SZT2: variants seen among roughly 807,000 people sequenced by gnomAD.
SZT2 encodes SZT2 subunit of KICSTOR complex.
A neutral mutation model predicts 404.2 loss-of-function variants in SZT2; 216 were observed. The ratio of observed to expected loss-of-function variants is 0.53; its 90% CI spans 0.48 to 0.60. SZT2 has a LOEUF of 0.60. Among genes scored for constraint, SZT2 ranks in the 20% least tolerant of loss-of-function variants. SZT2 has a pLI of 0.00. For synonymous variants in SZT2, 1,693 were observed against 1,749.9 expected (o/e 0.97, Z 0.81); for missense variants, 3,857 against 4,459.2 (o/e 0.86, Z 3.85).
chr1:43,401,777 C>A (rs1398321578), intron 1 of SZT2, among the ~76,000 whole-genome samples: 1 of 152,140 alleles, frequency 6.6e-6, no homozygotes, highest in South Asian at 2.1e-4. Context: ...TGAGCCACTG[C>A]GCCCAGCCCT....
intron 62 of SZT2, chr1:43,445,507 G>C (rs543988427): frequency 3.4e-6 from 1 of 292,966 alleles, no homozygotes; most frequent in African/African-American, 2.2e-5. Flanking sequence ...CCAATCAAAA[G>C]ACAGCAGCTT....
At chr1:43,429,971 G>A (rs1163548793) in intron 29 of SZT2, 40 bp from the exon 30 acceptor site, 1 of 1,613,056 alleles carries the variant, frequency 6.2e-7, no homozygotes, top group East Asian at 2.2e-5. Context: ...CCTGTTGAGG[G>A]GTGACTGACA....
chr1:43,412,746 CAA>C (rs998794271), intron 4 of SZT2: 2 of 151,874 alleles, frequency 1.3e-5, no homozygotes, highest in African/African-American at 2.4e-5. Flanking sequence ...ACCCATCTGA[CAA>C]GGGATTAATT....
chr1:43,438,549 G>T, intron 46 of SZT2, 150 bp from the exon 47 acceptor site: 2 of 702,424 alleles, frequency 2.8e-6, no homozygotes, highest in Non-Finnish European at 4.9e-6. Context: ...TGGCAGAATT[G>T]GAACCTAGTG....
chr1:43,425,783 G>T lies in SZT2; in HGVS notation c.2815-52G>T, dbSNP rs532959357. The T allele has an allele frequency of 1.3e-6, 2 of 1,589,026 alleles. No homozygotes were observed. The highest frequency in any genetic ancestry group is 1.3e-5 in the African/African-American group (1 of 74,568). On this transcript the variant is annotated intron_variant, in intron 19 of 71. Transcript: ENST00000634258. This position sits in a 1 kb window ranked among gnomAD's most constrained non-coding sequence, Gnocchi z 4.3. ...GCTTCCTGAAGAGCTGGAACCCAGGGTATCCTGGGCTAAGAGGGGTTGACT... is the reference window on the plus strand; with the variant it reads ...GCTTCCTGAAGAGCTGGAACCCAGGTTATCCTGGGCTAAGAGGGGTTGACT...
chr1:43,452,339 G>T lies in SZT2; in HGVS notation c.*1859G>T. 1.3e-6 allele frequency: 2 copies of T among 1,592,458 alleles called. No individual in the cohort carries two copies. The highest frequency in any genetic ancestry group is 1.7e-6 in the Non-Finnish European group (2 of 1,161,734). The stretch of plus-strand genomic sequence containing the variant: ...TGGATCCTGTGGGGAAGATGGACTG[G>T]AGGCCTTGCCTCCCTTGGCTCTCTC... On this transcript the variant is annotated 3_prime_UTR_variant, in exon 72 of 72. Coordinates refer to ENST00000634258, the MANE Select transcript of SZT2 (RefSeq NM_001365999.1).
Position 43,448,681 on chromosome 1 carries a change from C to A in SZT2, c.10039C>A (p.Gln3347Lys), listed in dbSNP as rs1655998891. The change falls in exon 70 of 72, where the codon CAG (glutamine) becomes AAG (lysine). Residue 3347 changes from glutamine (Q) to lysine (K), a missense_variant. Transcript: ENST00000634258. This position sits in a 1 kb window ranked among gnomAD's most constrained non-coding sequence, Gnocchi z 4.2. ...LIKVLLSRFP[Q>K]SCRHFQSPDL... ...CAAAGTTCTCCTAAGCCGCTTCCCCCAGAGCTGTCGCCATTTCCAAAGCCC... is the reference window on the plus strand; with the variant it reads ...CAAAGTTCTCCTAAGCCGCTTCCCCAAGAGCTGTCGCCATTTCCAAAGCCC... The A allele has an allele frequency of 5.6e-6, 9 of 1,614,098 alleles. No individual in the cohort carries two copies. Among genetic ancestry groups the A allele is most frequent in the Non-Finnish European group, 7.6e-6 (9 of 1,180,040 alleles).
Position 43,446,161 on chromosome 1 carries a change from C to G in SZT2, c.8917-18C>G. ...GCTGGTGAGCCCCCAAACCTTGCCC[C>G]CTTTTTTGTTTCTTCAGAGCACTAG... On this transcript the variant is annotated intron_variant, in intron 63 of 71. Coordinates refer to ENST00000634258, the MANE Select transcript of SZT2 (RefSeq NM_001365999.1). The G allele has an allele frequency of 6.2e-7, 1 of 1,614,206 alleles. No homozygotes were observed. The highest frequency in any genetic ancestry group is 8.5e-7 in the Non-Finnish European group (1 of 1,180,014).
In SZT2 at chr1:43,424,767, C is replaced by A. The variant is rs901726709; in HGVS notation, c.2472-17C>A. ...TTCCCTTATCCTGGCCTTGCCCCGG[C>A]CTTTATGGGGCTTCAGAGTCCGACT... On this transcript the variant is annotated splice_polypyrimidine_tract_variant and intron_variant, in intron 16 of 71. Coordinates refer to ENST00000634258, the MANE Select transcript of SZT2 (RefSeq NM_001365999.1). The surrounding 1 kb of genome is among the most constrained non-coding windows in gnomAD (Gnocchi z 4.1). The A allele has an allele frequency of 6.2e-7, 1 of 1,611,998 alleles. No homozygotes were observed. The highest frequency in any genetic ancestry group is 8.5e-7 in the Non-Finnish European group (1 of 1,178,164).
In SZT2 at chr1:43,450,645, C is replaced by T; in HGVS notation, c.*165C>T. 9.1e-7 allele frequency: 1 copy of T among 1,101,890 alleles called. No homozygotes were observed. The highest frequency in any genetic ancestry group is 1.3e-6 in the Non-Finnish European group (1 of 774,736). 68.3% of individuals were successfully genotyped at this position (1,101,890 alleles called of 1,614,324 possible). ...TGTCTTGAGGGTCTGCTGCCCCAGCCTGGCAGCAGGAACCGCCCTCCCCAA... is the reference window on the plus strand; with the variant it reads ...TGTCTTGAGGGTCTGCTGCCCCAGCTTGGCAGCAGGAACCGCCCTCCCCAA... On this transcript the variant is annotated 3_prime_UTR_variant, in exon 72 of 72. Transcript: ENST00000634258. The surrounding 1 kb of genome is among the most constrained non-coding windows in gnomAD (Gnocchi z 4.3).
chr1:43,394,668 C>T (rs1648777455), intron 1 of SZT2, among the ~76,000 whole-genome samples: 1 of 152,038 alleles, frequency 6.6e-6, no homozygotes, highest in African/African-American at 2.4e-5. Flanking sequence ...CACCTGATGT[C>T]GGGAGTTTGA....
chr1:43,450,297 C>G lies in SZT2; in HGVS notation c.10156-40C>G. 6.2e-7 allele frequency: 1 copy of G among 1,613,724 alleles called. No homozygotes were observed. The highest frequency in any genetic ancestry group is 8.5e-7 in the Non-Finnish European group (1 of 1,179,734). On this transcript the variant is annotated intron_variant, in intron 71 of 71. Transcript: ENST00000634258. This position sits in a 1 kb window ranked among gnomAD's most constrained non-coding sequence, Gnocchi z 4.3. Reference sequence around the variant, plus strand: ...GCCCTGCCTCCTATCCCCACCCATGCCCTCCTCTCACCAGTGCATCCCCAC... The same window carrying G: ...GCCCTGCCTCCTATCCCCACCCATGGCCTCCTCTCACCAGTGCATCCCCAC...
At chr1:43,415,925 C>G (rs1189789059) in intron 5 of SZT2, 35 bp from the exon 6 acceptor site, 1 of 1,578,074 alleles carries the variant, frequency 6.3e-7, no homozygotes, top group East Asian at 2.3e-5. Flanking sequence ...GCAATGCCAT[C>G]TGCCCCATTC....
chr1:43,452,144 A>T lies in SZT2; in HGVS notation c.*1664A>T. The T allele has an allele frequency of 6.6e-7, 1 of 1,505,958 alleles. No homozygotes were observed. The highest frequency in any genetic ancestry group is 1.4e-5 in the African/African-American group (1 of 72,518). 93.3% of individuals were successfully genotyped at this position (1,505,958 alleles called of 1,614,324 possible). On this transcript the variant is annotated 3_prime_UTR_variant, in exon 72 of 72. Coordinates refer to ENST00000634258, the MANE Select transcript of SZT2 (RefSeq NM_001365999.1). ...GCCTCACGTGCTGTCCCCACTGTGC[A>T]CCCCCTTCTCCGCACACCCACAGAG...
At position 43,415,070 on chromosome 1, in the gene SZT2, T is replaced by G. The variant is rs767163726; in HGVS notation, c.499-12T>G. 3 of 1,597,044 alleles carry G rather than the reference T, an allele frequency of 1.9e-6. No individual in the cohort carries two copies. The highest frequency in any genetic ancestry group is 2.5e-6 in the Non-Finnish European group (3 of 1,178,954). The stretch of plus-strand genomic sequence containing the variant: ...GACCGTCCTGTCTCAGTCTTTCCCA[T>G]GTGCTTCTTAGGTGCTGGTACAGGG... On this transcript the variant is annotated splice_polypyrimidine_tract_variant and intron_variant, in intron 4 of 71. Transcript: ENST00000634258.
At position 43,437,054 on chromosome 1, in the gene SZT2, A is replaced by G; in HGVS notation, c.6035-117A>G. 7.5e-7 allele frequency: 1 copy of G among 1,327,222 alleles called. No homozygotes were observed. Among genetic ancestry groups the G allele is most frequent in the Admixed American group, 2.0e-5 (1 of 50,962 alleles). The allele number at this position is 1,327,222 out of a possible 1,614,324, so 82.2% of individuals were successfully genotyped here. A position where few individuals can be genotyped will look rare whatever the true frequency, so the allele number is the denominator to read the frequency against. On this transcript the variant is annotated intron_variant, in intron 42 of 71. Coordinates refer to ENST00000634258, the MANE Select transcript of SZT2 (RefSeq NM_001365999.1). The surrounding 1 kb of genome is among the most constrained non-coding windows in gnomAD (Gnocchi z 5.3). ...CCCAGAATGATCATCATTTCTCTGC[A>G]ATAGTCAGGGATGAGTCTGGAGGAG...
At position 43,452,087 on chromosome 1, in the gene SZT2, GC is replaced by G; in HGVS notation, c.*1610del. The G allele has an allele frequency of 6.6e-7, 1 of 1,525,794 alleles. No homozygotes were observed. Among genetic ancestry groups the G allele is most frequent in the Non-Finnish European group, 9.0e-7 (1 of 1,110,386 alleles). The allele number at this position is 1,525,794 out of a possible 1,614,324, so 94.5% of individuals were successfully genotyped here. A position where few individuals can be genotyped will look rare whatever the true frequency, so the allele number is the denominator to read the frequency against. On this transcript the variant is annotated 3_prime_UTR_variant, in exon 72 of 72. Coordinates refer to ENST00000634258, the MANE Select transcript of SZT2 (RefSeq NM_001365999.1). ...CCCCATCAGTCAGTCACTGGTCAAGGCCCTCACCTGTTCCTCTGACCTAGGC... is the reference window on the plus strand; with the variant it reads ...CCCCATCAGTCAGTCACTGGTCAAGGCCTCACCTGTTCCTCTGACCTAGGC...
chr1:43,408,553 G>T (rs1557520636), intron 4 of SZT2, among the ~76,000 whole-genome samples: 1 of 152,154 alleles, frequency 6.6e-6, no homozygotes. Context: ...GGCATGAGCT[G>T]CTGTGCTTAG....
chr1:43,402,820 G>A (rs1270357479), intron 1 of SZT2, among the ~76,000 whole-genome samples: 1 of 152,180 alleles, frequency 6.6e-6, no homozygotes, highest in South Asian at 2.1e-4. Context: ...ACTTGTCCTG[G>A]TATTTGCTCT....
Sources: allele counts gnomAD v4.1 joint callset (sites outside exome capture counted in the v4.1 genomes callset), GRCh38; gene constraint gnomAD v4.1.1; non-coding constraint Gnocchi (gnomAD v3.1); transcripts MANE v1.5; gene names NCBI Gene and HGNC (gene_info 2026-07-23, HGNC 2026-07-21).